Variants in MAPRE1 observed in about 807,000 individuals in gnomAD.
The protein encoded by MAPRE1 is microtubule associated protein RP/EB family member 1, also known as microtubule-associated protein RP/EB family member 1.
In MAPRE1, 5 loss-of-function variants were observed where a neutral mutation model predicts 32.1. The ratio of observed to expected loss-of-function variants is 0.16; its 90% CI spans 0.08 to 0.33. MAPRE1 has a LOEUF of 0.33. Among genes scored for constraint, MAPRE1 ranks in the 10% least tolerant of loss-of-function variants. The probability of loss-of-function intolerance (pLI) is 1.00; values close to 1 mark genes in which losing one functional copy is unlikely to be tolerated. For missense variants in MAPRE1, 209 were observed against 327.2 expected, an observed-to-expected ratio of 0.64 and a Z score of 2.79; for synonymous variants, 122 against 118.9, an observed-to-expected ratio of 1.03 and a Z score of -0.17.
At chr20:32,828,676 T>A (rs1157353561) in intron 2 of MAPRE1, among the ~76,000 whole-genome samples, 1 of 152,200 alleles carries the variant, frequency 6.6e-6, no homozygotes, top group African/African-American at 2.4e-5. Flanking sequence ...ACCCTGGAAA[T>A]GAGTGCAGGT....
rs561551341 is a variant in MAPRE1 at position 32,843,488 on chromosome 20, G to A, written c.598-3130G>A. 8 of 152,314 alleles carry A rather than the reference G, an allele frequency of 5.3e-5. No individual in the cohort carries two copies. In the East Asian group the frequency reaches 1.5e-3, roughly 29 times the overall value. 9.4% of individuals were successfully genotyped at this position (152,314 alleles called of 1,614,324 possible). ...GGTGAGTCAGAAGTGTGAGCTACCT[G>A]ATTTACATGGTCTAGTAGCTACATT... On this transcript the variant is annotated intron_variant, in intron 5 of 6. Coordinates refer to ENST00000375571, the MANE Select transcript of MAPRE1 (RefSeq NM_012325.3).
Position 32,848,728 on chromosome 20 carries a change from A to G in MAPRE1, c.807A>G (p.Ter269=). Residue 269 remains the stop codon, a stop_retained_variant, in exon 7 of 7, where the codon TAA becomes TAG. Transcript: ENST00000375571. ...GGPQEEQEEY[*] The stretch of plus-strand genomic sequence containing the variant: ...CACAGGAGGAGCAAGAAGAGTATTA[A>G]CAGCCTGGACCAGCAGAGCAACATC... The G allele has an allele frequency of 1.2e-6, 2 of 1,611,816 alleles. No homozygotes were observed. The highest frequency in any genetic ancestry group is 1.7e-6 in the Non-Finnish European group (2 of 1,178,858).
intron 2 of MAPRE1, 99 bp from the exon 3 acceptor site, chr20:32,833,618 A>T: frequency 9.2e-7 from 1 of 1,089,236 alleles, no homozygotes; most frequent in Non-Finnish European, 1.3e-6. Context: ...TTGTAGGTCT[A>T]CTTCACAATT....
intron 5 of MAPRE1, among the ~76,000 whole-genome samples, chr20:32,844,989 C>CTGTATGTATGTA (rs35343459): frequency 5.8e-4 from 87 of 150,426 alleles, no homozygotes; most frequent in South Asian, 1.5e-3. Flanking sequence ...AGTAGCTGTA[C>CTGTATGTATGTA]TGTATGTATG....
chr20:32,846,043 A>T (rs1983496994), intron 5 of MAPRE1, among the ~76,000 whole-genome samples: 1 of 152,228 alleles, frequency 6.6e-6, no homozygotes. Flanking sequence ...GTTAAAGTAC[A>T]CACAGGACTA....
chr20:32,825,283 G>A (rs952275403), intron 1 of MAPRE1, among the ~76,000 whole-genome samples: 5 of 152,106 alleles, frequency 3.3e-5, no homozygotes, highest in African/African-American at 1.2e-4. Context: ...TTATGCATCT[G>A]CCTCCCATCA....
rs757013218 is a variant in MAPRE1, at chr20:32,839,887, ACCTCGGGGGATAGGAT to A, written c.597+35_597+50del. The A allele has an allele frequency of 3.3e-5, 53 of 1,612,658 alleles. 1 individual carries two copies. The South Asian group carries it at 5.7e-4, about 17-fold the overall frequency. On this transcript the variant is annotated intron_variant, in intron 5 of 6. Coordinates refer to ENST00000375571, the MANE Select transcript of MAPRE1 (RefSeq NM_012325.3). Reference sequence around the variant, plus strand: ...CACCCCTGTGTTTAGCACGTGAGTCACCTCGGGGGATAGGATCCTTGCGGTGGCCAGGGTGCCTTAT... The same window carrying A: ...CACCCCTGTGTTTAGCACGTGAGTCACCTTGCGGTGGCCAGGGTGCCTTAT...
intron 1 of MAPRE1, among the ~76,000 whole-genome samples, chr20:32,820,657 A>G (rs1982671037): frequency 1.3e-5 from 2 of 152,108 alleles, no homozygotes; most frequent in South Asian, 4.1e-4. Context: ...ACCGTGCTAA[A>G]CCCTGGCTGT....
intron 5 of MAPRE1, among the ~76,000 whole-genome samples, chr20:32,844,851 C>T (rs1165245845): frequency 6.6e-6 from 1 of 152,122 alleles, no homozygotes; most frequent in African/African-American, 2.4e-5. Context: ...TGGGGCTGGT[C>T]GGCTCTTGGC....
chr20:32,821,583 T>G (rs150506791), intron 1 of MAPRE1, among the ~76,000 whole-genome samples: 1 of 152,306 alleles, frequency 6.6e-6, no homozygotes, highest in Non-Finnish European at 1.5e-5. Flanking sequence ...CATGTAGATT[T>G]TTGTTTAATC....
intron 1 of MAPRE1, among the ~76,000 whole-genome samples, chr20:32,820,915 C>A (rs1601156619): frequency 6.6e-6 from 1 of 152,172 alleles, no homozygotes; most frequent in South Asian, 2.1e-4. Flanking sequence ...ATGATAATAG[C>A]AGCTCTTTGT....
intron 5 of MAPRE1, among the ~76,000 whole-genome samples, chr20:32,841,513 C>T (rs62207058): frequency 0.046 from 6,901 of 151,012 alleles, 190 homozygotes; most frequent in East Asian, 0.077. Flanking sequence ...ATGTGTACAA[C>T]GTGCAGGTTA....
intron 5 of MAPRE1, among the ~76,000 whole-genome samples, chr20:32,844,444 T>TTTG (rs1983448880): frequency 8.9e-6 from 1 of 112,316 alleles, no homozygotes; most frequent in African/African-American, 4.1e-5. Flanking sequence ...CATTCCTTTT[T>TTTG]TTTTTTTTTT....
chr20:32,829,946 G>C (rs1982971646), intron 2 of MAPRE1, among the ~76,000 whole-genome samples: 2 of 152,060 alleles, frequency 1.3e-5, no homozygotes, highest in African/African-American at 4.8e-5. Context: ...TGGTCAAAGA[G>C]AATGATTTTT....
chr20:32,846,811 T>G (rs1264084289), intron 6 of MAPRE1, 41 bp downstream of exon 6: 2 of 1,602,338 alleles, frequency 1.2e-6, no homozygotes, highest in East Asian at 2.2e-5. Flanking sequence ...CCATTTTACA[T>G]AGAAGGGTTG....
At chr20:32,848,413 A>T (rs1009850376) in intron 6 of MAPRE1, among the ~76,000 whole-genome samples, 1 of 152,198 alleles carries the variant, frequency 6.6e-6, no homozygotes. Flanking sequence ...ACCTTTGATG[A>T]CATGGGTGAA....
At chr20:32,823,064 A>G (rs1345333135) in intron 1 of MAPRE1, among the ~76,000 whole-genome samples, 2 of 152,220 alleles carry the variant, frequency 1.3e-5, no homozygotes, top group Admixed American at 6.5e-5. Flanking sequence ...CAACCTGAAA[A>G]TAAGTAGTGA....
intron 2 of MAPRE1, among the ~76,000 whole-genome samples, chr20:32,827,809 C>G (rs1282383374): frequency 6.6e-6 from 1 of 151,594 alleles, no homozygotes; most frequent in Non-Finnish European, 1.5e-5. Context: ...GCAGGAGAAT[C>G]GCTTGAACCT....
rs964778241 is a variant in MAPRE1, at chr20:32,823,762, A to G, written c.-3-2163A>G. On this transcript the variant is annotated intron_variant, in intron 1 of 6. Transcript: ENST00000375571. Reference sequence around the variant, plus strand: ...AAATTAGCTGGGCTTGGTGGTGACCATCTGTAGTCCCAGCTACTTGGGAAG... The same window carrying G: ...AAATTAGCTGGGCTTGGTGGTGACCGTCTGTAGTCCCAGCTACTTGGGAAG... Among the ~76,000 whole-genome samples, 11 of 152,264 alleles carry G rather than the reference A, an allele frequency of 7.2e-5. 1 individual carries two copies. The South Asian group carries it at 2.3e-3, about 32-fold the overall frequency.
Sources: gnomAD v4.1 joint callset for allele counts (sites outside exome capture counted in the v4.1 genomes callset) on GRCh38, gnomAD v4.1.1 for gene constraint, MANE v1.5 for transcripts, NCBI Gene and HGNC (gene_info 2026-07-23, HGNC 2026-07-21) for gene names.